PARD3B: variants seen among roughly 807,000 people sequenced by gnomAD.
PARD3B encodes par-3 family cell polarity regulator beta, also known as partitioning defective 3 homolog B.
PARD3B carries 103 observed loss-of-function variants against 130.2 expected under a neutral mutation model. That is an observed-to-expected ratio of 0.79 (90% CI 0.67 to 0.93). PARD3B has a LOEUF of 0.93. Ranked by LOEUF, PARD3B falls within the 40% of genes least tolerant of loss-of-function variation. The probability of loss-of-function intolerance (pLI) is 0.00; values close to 1 mark genes in which losing one functional copy is unlikely to be tolerated. For synonymous variants in PARD3B, 583 were observed against 553.2 expected (o/e 1.05, Z -0.76); for missense variants, 1,609 against 1,499.2 (o/e 1.07, Z -1.21).
chr2:204,570,764 A>G (rs1301605887), intron 1 of PARD3B, among the ~76,000 whole-genome samples: 2 of 150,460 alleles, frequency 1.3e-5, no homozygotes, highest in African/African-American at 2.4e-5. Flanking sequence ...GAGGTGTATA[A>G]GCTGTTGTAA....
At chr2:204,708,477 A>G (rs1416927276) in intron 2 of PARD3B, among the ~76,000 whole-genome samples, 2 of 152,248 alleles carry the variant, frequency 1.3e-5, no homozygotes, top group East Asian at 1.9e-4. Context: ...ATCTCCTAGT[A>G]TTAGAAAGTA....
rs938203979 is a variant in PARD3B, at chr2:205,351,066, C to G, written c.2630+49365C>G. ...AATCTGTCTTCTTGGTTCAGTCTTG[C>G]TGGTTTTCTCTTCAAATTAAGTGAA... On this transcript the variant is annotated intron_variant, in intron 18 of 22. Coordinates refer to ENST00000406610, the MANE Select transcript of PARD3B (RefSeq NM_001302769.2). This position sits in a 1 kb window ranked among gnomAD's most constrained non-coding sequence, Gnocchi z 4.2. Among the ~76,000 whole-genome samples, 2 of 152,140 alleles carry G rather than the reference C, an allele frequency of 1.3e-5. No homozygotes were observed. Among genetic ancestry groups the G allele is most frequent in the Non-Finnish European group, 2.9e-5 (2 of 68,022 alleles).
At chr2:205,185,712 T>C in intron 13 of PARD3B, 52 bp from the exon 14 acceptor site, 1 of 1,486,872 alleles carries the variant, frequency 6.7e-7, no homozygotes, top group East Asian at 2.3e-5. Context: ...AAACCAGGCA[T>C]CGAATGGTTC....
intron 16 of PARD3B, among the ~76,000 whole-genome samples, chr2:205,255,868 G>GT (rs1310036145): frequency 1.3e-4 from 20 of 152,006 alleles, no homozygotes; most frequent in Admixed American, 7.9e-4. Flanking sequence ...GGAGGCTTCC[G>GT]TAAGTAGGTA....
In PARD3B at chr2:204,673,325, AAGT is replaced by A. The variant is rs901506923; in HGVS notation, c.121-12850_121-12848del. ...TAAACATATTTAATGCTGATGTAAAAAGTAGTAGAATTTTATTTCATTTTGTAG... is the reference window on the plus strand; with the variant it reads ...TAAACATATTTAATGCTGATGTAAAAAGTAGAATTTTATTTCATTTTGTAG... On this transcript the variant is annotated intron_variant, in intron 1 of 22. Transcript: ENST00000406610. This position sits in a 1 kb window ranked among gnomAD's most constrained non-coding sequence, Gnocchi z 4.7. Among the ~76,000 whole-genome samples the A allele has an allele frequency of 6.6e-6, 1 of 152,228 alleles. No homozygotes were observed. The highest frequency in any genetic ancestry group is 1.5e-5 in the Non-Finnish European group (1 of 68,040).
intron 4 of PARD3B, among the ~76,000 whole-genome samples, chr2:205,062,760 T>C (rs1700134849): frequency 6.6e-6 from 1 of 152,226 alleles, no homozygotes; most frequent in South Asian, 2.1e-4. Flanking sequence ...CAGTATATTT[T>C]TGTATCTTTT....
chr2:204,755,399 G>C (rs2040624612), intron 2 of PARD3B, among the ~76,000 whole-genome samples: 2 of 152,074 alleles, frequency 1.3e-5, no homozygotes, highest in African/African-American at 4.8e-5. Context: ...ATGTCATTTA[G>C]AATTTCAATC....
At chr2:205,256,721 T>C (rs1330975201) in intron 16 of PARD3B, among the ~76,000 whole-genome samples, 1 of 152,116 alleles carries the variant, frequency 6.6e-6, no homozygotes, top group Non-Finnish European at 1.5e-5. Context: ...AGATCTAGCA[T>C]GGGGACTGGC....
chr2:205,354,115 T>G (rs1209547344), intron 18 of PARD3B, among the ~76,000 whole-genome samples: 1 of 144,558 alleles, frequency 6.9e-6, no homozygotes, highest in Non-Finnish European at 1.5e-5. Flanking sequence ...CGTGGCTCAC[T>G]GCAGCCTCGA....
At chr2:204,771,498 A>G (rs1369548273) in intron 2 of PARD3B, among the ~76,000 whole-genome samples, 7 of 152,058 alleles carry the variant, frequency 4.6e-5, no homozygotes, top group African/African-American at 9.7e-5. Context: ...AAAGATGGCA[A>G]CAATAGACAC....
At chr2:204,775,588 A>G (rs2041584746) in intron 2 of PARD3B, among the ~76,000 whole-genome samples, 1 of 152,160 alleles carries the variant, frequency 6.6e-6, no homozygotes, top group South Asian at 2.1e-4. Flanking sequence ...GGAAACCTCC[A>G]TGACTTGGCT....
At chr2:205,299,298 A>G (rs1227550172) in intron 16 of PARD3B, among the ~76,000 whole-genome samples, 2 of 152,160 alleles carry the variant, frequency 1.3e-5, no homozygotes, top group East Asian at 3.8e-4. Context: ...GTAATAAAAG[A>G]TAGTGCCGTT....
chr2:204,576,229 A>G (rs897690607), intron 1 of PARD3B, among the ~76,000 whole-genome samples: 2 of 152,186 alleles, frequency 1.3e-5, no homozygotes, highest in African/African-American at 4.8e-5. Flanking sequence ...CCTAAAGAGA[A>G]CTGCCTCTGG....
intron 1 of PARD3B, among the ~76,000 whole-genome samples, chr2:204,569,185 T>A (rs1201744864): frequency 6.6e-6 from 1 of 152,224 alleles, no homozygotes; most frequent in East Asian, 1.9e-4. Context: ...AGTTTGCATA[T>A]TTAAACATTC....
intron 1 of PARD3B, among the ~76,000 whole-genome samples, chr2:204,643,689 C>G (rs1322610269): frequency 6.6e-6 from 1 of 152,052 alleles, no homozygotes; most frequent in Non-Finnish European, 1.5e-5. Flanking sequence ...TGGAAGAAGA[C>G]AATTCTTCTT....
intron 10 of PARD3B, among the ~76,000 whole-genome samples, chr2:205,150,950 A>G (rs989999337): frequency 2.6e-5 from 2 of 76,136 alleles, no homozygotes; most frequent in African/African-American, 7.3e-5. Context: ...AGTTAATAAC[A>G]TTGTAGTTTA....
Position 205,204,415 on chromosome 2 carries a change from T to C in PARD3B, c.2140+11095T>C, listed in dbSNP as rs186438054. Among the ~76,000 whole-genome samples the C allele has an allele frequency of 2.9e-3, 435 of 152,314 alleles. 3 individuals are homozygous for C. The highest frequency in any genetic ancestry group is 9.9e-3 in the African/African-American group (413 of 41,578). ...TCTGTAGGTTGCCTGTTCACTCTGATGATAGTTTCTTTTGCTGTGCAGAAG... is the reference window on the plus strand; with the variant it reads ...TCTGTAGGTTGCCTGTTCACTCTGACGATAGTTTCTTTTGCTGTGCAGAAG... On this transcript the variant is annotated intron_variant, in intron 15 of 22. Transcript: ENST00000406610.
At chr2:205,491,147 T>A (rs2049690633) in intron 20 of PARD3B, among the ~76,000 whole-genome samples, 1 of 152,182 alleles carries the variant, frequency 6.6e-6, no homozygotes. Context: ...TTTGTTGCCA[T>A]TGCTTTTGGT....
intron 1 of PARD3B, among the ~76,000 whole-genome samples, chr2:204,635,965 G>T (rs1391794858): frequency 6.6e-6 from 1 of 152,038 alleles, no homozygotes; most frequent in Non-Finnish European, 1.5e-5. Context: ...AAGTTGCCAG[G>T]ATAGCCTTCC....
Sources: allele counts gnomAD v4.1 joint callset (sites outside exome capture counted in the v4.1 genomes callset), GRCh38; gene constraint gnomAD v4.1.1; non-coding constraint Gnocchi (gnomAD v3.1); transcripts MANE v1.5; gene names NCBI Gene and HGNC (gene_info 2026-07-23, HGNC 2026-07-21).